Variants in TSNARE1 observed in about 807,000 individuals in gnomAD.
The protein encoded by TSNARE1 is t-SNARE domain containing 1, also known as t-SNARE domain-containing protein 1.
Under a neutral mutation model 62.0 loss-of-function variants are expected in TSNARE1, and 49 were observed. The observed-to-expected ratio is 0.79, with a 90% CI of 0.63 to 1.00. The LOEUF is 1.00. Ranked by LOEUF, TSNARE1 falls within the 50% of genes least tolerant of loss-of-function variation. The pLI is 0.00. For missense variants in TSNARE1, 755 were observed against 700.1 expected, an observed-to-expected ratio of 1.08 and a Z score of -0.88; for synonymous variants, 328 against 294.4, an observed-to-expected ratio of 1.11 and a Z score of -1.17.
chr8:142,259,706 ACC>A, intron 12 of TSNARE1, among the ~76,000 whole-genome samples: 1 of 152,080 alleles, frequency 6.6e-6, no homozygotes, highest in Admixed American at 6.5e-5. Context: ...CAGGGCTGCC[ACC>A]CCAGCACCGG....
chr8:142,259,006 C>T (rs1225570253), intron 12 of TSNARE1, among the ~76,000 whole-genome samples: 1 of 152,218 alleles, frequency 6.6e-6, no homozygotes, highest in African/African-American at 2.4e-5. Flanking sequence ...CACCGCTTTG[C>T]ACGGTCCGGC....
chr8:142,402,184 G>A (rs981101924), intron 1 of TSNARE1, among the ~76,000 whole-genome samples: 11 of 152,180 alleles, frequency 7.2e-5, no homozygotes, highest in African/African-American at 2.7e-4. Flanking sequence ...TGGCTGGAAA[G>A]GCACCTGGCA....
intron 9 of TSNARE1, among the ~76,000 whole-genome samples, chr8:142,313,597 ATG>A (rs1255079671): frequency 6.7e-6 from 1 of 148,578 alleles, no homozygotes; most frequent in African/African-American, 2.5e-5. Context: ...ATGTGTCTCT[ATG>A]TGTGTTTATC....
chr8:142,306,084 G>C (rs961281105), intron 9 of TSNARE1, among the ~76,000 whole-genome samples: 1 of 152,182 alleles, frequency 6.6e-6, no homozygotes, highest in Non-Finnish European at 1.5e-5. Flanking sequence ...GTCTTTTCAG[G>C]AGCCCCAGAT....
chr8:142,222,241 C>T (rs1816332510), intron 13 of TSNARE1, among the ~76,000 whole-genome samples: 1 of 22,054 alleles, frequency 4.5e-5, no homozygotes. Flanking sequence ...CACTCATTCA[C>T]TCACTCACTC....
At chr8:142,390,222 G>A (rs1837392205) in intron 1 of TSNARE1, among the ~76,000 whole-genome samples, 1 of 152,246 alleles carries the variant, frequency 6.6e-6, no homozygotes, top group African/African-American at 2.4e-5. Context: ...GGACATTACT[G>A]TACACTTTGG....
chr8:142,236,378 C>A (rs1310523703), intron 12 of TSNARE1, among the ~76,000 whole-genome samples: 2 of 151,904 alleles, frequency 1.3e-5, no homozygotes, highest in Non-Finnish European at 2.9e-5. Flanking sequence ...AGGGCTGAGC[C>A]CAGGACTGGG....
intron 13 of TSNARE1, among the ~76,000 whole-genome samples, chr8:142,222,985 C>T (rs1213692692): frequency 6.9e-6 from 1 of 145,378 alleles, no homozygotes; most frequent in Non-Finnish European, 1.5e-5. Context: ...CTCACTCATT[C>T]ACTCACTCTC....
chr8:142,222,299 T>TCCAC (rs1563754961), intron 13 of TSNARE1, among the ~76,000 whole-genome samples: 1 of 20,216 alleles, frequency 4.9e-5, no homozygotes, highest in African/African-American at 1.6e-4. Flanking sequence ...CTCTCACTCA[T>TCCAC]TCACTCACTC....
intron 4 of TSNARE1, among the ~76,000 whole-genome samples, chr8:142,339,643 A>G (rs990731806): frequency 6.6e-6 from 1 of 152,228 alleles, no homozygotes; most frequent in Non-Finnish European, 1.5e-5. Context: ...ATGCCAGCAA[A>G]GCTGAGAGCT....
At chr8:142,277,172 C>A in intron 11 of TSNARE1, 4 of 985,364 alleles carry the variant, frequency 4.1e-6, no homozygotes, top group Non-Finnish European at 4.8e-6. Context: ...AGGCCCTGGG[C>A]ACCTGCTCCT....
At chr8:142,263,519 A>C (rs1029458396) in intron 12 of TSNARE1, among the ~76,000 whole-genome samples, 6 of 152,120 alleles carry the variant, frequency 3.9e-5, no homozygotes, top group African/African-American at 1.4e-4. Context: ...TCCTCATCCT[A>C]TGCGTTTAGG....
At chr8:142,256,381 A>AC (rs1235128183) in intron 12 of TSNARE1, among the ~76,000 whole-genome samples, 75 of 139,308 alleles carry the variant, frequency 5.4e-4, no homozygotes, top group Non-Finnish European at 6.8e-4. Context: ...CACCACCATC[A>AC]TCATCACCAA....
intron 9 of TSNARE1, among the ~76,000 whole-genome samples, chr8:142,311,596 AG>A (rs1216311604): frequency 1.3e-5 from 2 of 152,088 alleles, no homozygotes; most frequent in Non-Finnish European, 2.9e-5. Flanking sequence ...ACGCCTGGCA[AG>A]GGTGGTTTTT....
upstream of TSNARE1, chr8:142,406,506 G>A (rs929889115): frequency 2.6e-5 from 4 of 152,226 alleles, no homozygotes; most frequent in Non-Finnish European, 5.9e-5. Context: ...GAGGGCGCGG[G>A]AGCCACACTC....
At chr8:142,278,124 A>G (rs1820797013) in intron 11 of TSNARE1, 2 of 985,016 alleles carry the variant, frequency 2.0e-6, no homozygotes, top group South Asian at 9.4e-5. Context: ...GACCAGGCCC[A>G]TCCCCCAAGC....
At chr8:142,364,190 G>A (rs1835368605) in intron 1 of TSNARE1, among the ~76,000 whole-genome samples, 1 of 152,134 alleles carries the variant, frequency 6.6e-6, no homozygotes, top group Admixed American at 6.5e-5. Context: ...TGGCACTAAG[G>A]CCTGAGGTCT....
chr8:142,339,186 G>A (rs1437754979), intron 4 of TSNARE1, among the ~76,000 whole-genome samples: 1 of 152,132 alleles, frequency 6.6e-6, no homozygotes, highest in African/African-American at 2.4e-5. Flanking sequence ...GAGAAACGGA[G>A]TACCCCAAAA....
chr8:142,312,342 C>T (rs1413974737), intron 9 of TSNARE1, among the ~76,000 whole-genome samples: 1 of 152,134 alleles, frequency 6.6e-6, no homozygotes, highest in Non-Finnish European at 1.5e-5. Context: ...ATCCTGTTAC[C>T]TATGATGCCT....
Sources: allele counts gnomAD v4.1 joint callset (sites outside exome capture counted in the v4.1 genomes callset), GRCh38; gene constraint gnomAD v4.1.1; transcripts MANE v1.5; gene names NCBI Gene and HGNC (gene_info 2026-07-23, HGNC 2026-07-21).